The following ZNF79 variants were observed in gnomAD, a reference collection of about 807,000 sequenced individuals.
ZNF79 encodes ZNFpT7.
Under a neutral mutation model 14.9 loss-of-function variants are expected in ZNF79, and 13 were observed. That is an observed-to-expected ratio of 0.87 (90% CI 0.57 to 1.38). The LOEUF is 1.38. ZNF79 is among the 40% of genes most tolerant of loss of function. The pLI is 0.00. For synonymous variants in ZNF79, 223 were observed against 235.1 expected, an observed-to-expected ratio of 0.95 and a Z score of 0.47; for missense variants, 631 against 630.6, an observed-to-expected ratio of 1.00 and a Z score of -0.01.
At position 127,424,759 on chromosome 9, in the gene ZNF79, G is replaced by C. The variant is rs1439186481; in HGVS notation, c.-29G>C. 1 of 1,613,750 alleles carries C rather than the reference G, an allele frequency of 6.2e-7. No homozygotes were observed. The highest frequency in any genetic ancestry group is 1.7e-5 in the Admixed American group (1 of 60,000). On this transcript the variant is annotated 5_prime_UTR_variant, in exon 1 of 5. Coordinates refer to ENST00000342483, the MANE Select transcript of ZNF79 (RefSeq NM_007135.3). ...AGACCCTTACGCCCAGAGAACTGCT[G>C]GGAGGCTGTGGCGCGAGGCGGGACT...
rs546513580 is a variant in ZNF79 at position 127,439,113 on chromosome 9, A to AAAAAAAAGAAT, written c.328+3120_328+3121insTAAAAAAAGAA. On this transcript the variant is annotated intron_variant, in intron 4 of 4. Coordinates refer to ENST00000342483, the MANE Select transcript of ZNF79 (RefSeq NM_007135.3). ...GGCGACTAAGCGAGACTCTGTCACAAAAAAAAAGAAAAAGAAAGACTGTAG... is the reference window on the plus strand; with the variant it reads ...GGCGACTAAGCGAGACTCTGTCACAAAAAAAAAGAATAAAAAAAGAAAAAGAAAGACTGTAG... Among the ~76,000 whole-genome samples, 995 of 151,974 alleles carry AAAAAAAAGAAT rather than the reference A, an allele frequency of 6.5e-3. 13 individuals are homozygous for AAAAAAAAGAAT. Among genetic ancestry groups the AAAAAAAAGAAT allele is most frequent in the African/African-American group, 0.023 (952 of 41,416 alleles).
In ZNF79 at chr9:127,442,217, A is replaced by G. The variant is rs539605342; in HGVS notation, c.329-1812A>G. ...GGAGTTTAAGATCAGCCTGGCCAAC[A>G]TGGTGAAACCCTGTCTTTACCAAAA... is the stretch of plus-strand genomic sequence containing the variant. On this transcript the variant is annotated intron_variant, in intron 4 of 4. Coordinates refer to ENST00000342483, the MANE Select transcript of ZNF79 (RefSeq NM_007135.3). Among the ~76,000 whole-genome samples the G allele has an allele frequency of 3.3e-5, 5 of 151,736 alleles. No individual in the cohort carries two copies. The East Asian group carries it at 9.8e-4, about 30-fold the overall frequency.
intron 2 of ZNF79, 143 bp from the exon 3 acceptor site, chr9:127,434,947 C>G (rs932017681): frequency 2.2e-5 from 21 of 972,528 alleles, no homozygotes; most frequent in Non-Finnish European, 2.9e-5. Context: ...TGAGCCACCG[C>G]ACCTGGCCAT....
intron 4 of ZNF79, among the ~76,000 whole-genome samples, chr9:127,440,984 C>T (rs1258934845): frequency 2.0e-5 from 3 of 152,146 alleles, no homozygotes; most frequent in African/African-American, 7.2e-5. Context: ...CTGGAGCCAG[C>T]ACTCGAGAGA....
intron 4 of ZNF79, among the ~76,000 whole-genome samples, chr9:127,436,311 G>A (rs1202533215): frequency 2.0e-5 from 3 of 152,322 alleles, no homozygotes; most frequent in Non-Finnish European, 4.4e-5. Context: ...GGCCTCTAAA[G>A]AGTATCCTTC....
At chr9:127,434,319 A>G (rs528441516) in intron 2 of ZNF79, among the ~76,000 whole-genome samples, 2 of 152,068 alleles carry the variant, frequency 1.3e-5, no homozygotes, top group Non-Finnish European at 2.9e-5. Flanking sequence ...TTGTGCTCAT[A>G]CCTGGCTCTC....
At chr9:127,433,549 A>G (rs1833896665) in intron 2 of ZNF79, among the ~76,000 whole-genome samples, 1 of 152,098 alleles carries the variant, frequency 6.6e-6, no homozygotes, top group Non-Finnish European at 1.5e-5. Context: ...CCCGCCCTGT[A>G]CCTAGCAGAG....
At chr9:127,435,004 G>T in intron 2 of ZNF79, 86 bp from the exon 3 acceptor site, 1 of 1,448,058 alleles carries the variant, frequency 6.9e-7, no homozygotes, top group Non-Finnish European at 9.2e-7. Flanking sequence ...GACTTTTCCA[G>T]CTCCCCCAAA....
At position 127,444,168 on chromosome 9, in the gene ZNF79, CCT is replaced by C. The variant is rs1301912418; in HGVS notation, c.474_475del (p.Pro159AlafsTer14). On this transcript the variant is annotated frameshift_variant, in exon 5 of 5. Transcript: ENST00000342483. LOFTEE classifies it low-confidence loss of function (END_TRUNC). The part of the protein sequence containing the change: ...LEKSFNLRPV[L>X]SPQQRVPVEA... ...AGAAGAGCTTCAATCTGAGACCAGT[CCT>C]CTCTCCGCAACAGAGAGTGCCCGTG... is the stretch of plus-strand genomic sequence containing the variant. 2.5e-6 allele frequency: 4 copies of C among 1,614,000 alleles called. No homozygotes were observed. The South Asian group carries it at 4.4e-5, about 18-fold the overall frequency.
At chr9:127,424,860 A>G in intron 1 of ZNF79, 57 bp downstream of exon 1, 3 of 1,610,880 alleles carry the variant, frequency 1.9e-6, no homozygotes, top group Admixed American at 1.7e-5. Context: ...TCGTTTGCCC[A>G]CGACTGCCGC....
intron 2 of ZNF79, among the ~76,000 whole-genome samples, 199 bp from the exon 3 acceptor site, chr9:127,434,891 C>T (rs1018934855): frequency 2.0e-5 from 3 of 152,152 alleles, no homozygotes; most frequent in Non-Finnish European, 2.9e-5. Context: ...TCAAGTGATC[C>T]GCCTGCCTCA....
Position 127,444,486 on chromosome 9 carries a change from C to T in ZNF79, c.786C>T (p.Ala262=), listed in dbSNP as rs962349367. Residue 262 remains alanine (A), a synonymous_variant, in exon 5 of 5, where the codon GCC becomes GCT. Coordinates refer to ENST00000342483, the MANE Select transcript of ZNF79 (RefSeq NM_007135.3). ...GTGGAAGAGCCTTCAGCCAGAACGC[C>T]AACCTCACCAAACACCAGCGAACCC... ...SECGRAFSQN[A]NLTKHQRTHT... 8 of 1,609,860 alleles carry T rather than the reference C, an allele frequency of 5.0e-6. No homozygotes were observed. The African/African-American group carries it at 1.1e-4, about 22-fold the overall frequency.
In ZNF79 at chr9:127,444,274, C is replaced by T; in HGVS notation, c.574C>T (p.Pro192Ser). 1 of 1,614,130 alleles carries T rather than the reference C, an allele frequency of 6.2e-7. No homozygotes were observed. Among genetic ancestry groups the T allele is most frequent in the Admixed American group, 1.7e-5 (1 of 60,004 alleles). ...AATCCTGAAACCTCACAGAGCAAAA[C>T]CATATGCATGTAATGAATGTGGCAA... Reference protein sequence around the residue: ...SEILKPHRAKPYACNECGKAF... With the variant: ...SEILKPHRAKSYACNECGKAF... The change falls in exon 5 of 5, where the codon CCA becomes TCA. Residue 192 changes from proline to serine, a missense_variant. Transcript: ENST00000342483.
At position 127,424,487 on chromosome 9, in the gene ZNF79, C is replaced by G. The variant is rs767512517; in HGVS notation, c.-301C>G. ...TTGCCGGTAGATTGTTGCCAGTTGCCAGTTGCCAGTCGTTTTTCGGAAAGC... is the reference window on the plus strand; with the variant it reads ...TTGCCGGTAGATTGTTGCCAGTTGCGAGTTGCCAGTCGTTTTTCGGAAAGC... On this transcript the variant is annotated 5_prime_UTR_variant, in exon 1 of 5. Coordinates refer to ENST00000342483, the MANE Select transcript of ZNF79 (RefSeq NM_007135.3). The G allele has an allele frequency of 2.6e-6, 1 of 389,464 alleles. No individual in the cohort carries two copies. Among genetic ancestry groups the G allele is most frequent in the Non-Finnish European group, 4.8e-6 (1 of 209,628 alleles). 24.1% of individuals were successfully genotyped at this position (389,464 alleles called of 1,614,324 possible). A position where few individuals can be genotyped will look rare whatever the true frequency, so the allele number is the denominator to read the frequency against.
chr9:127,427,425 A>C (rs1478198108), intron 1 of ZNF79, among the ~76,000 whole-genome samples: 2 of 148,900 alleles, frequency 1.3e-5, no homozygotes, highest in Non-Finnish European at 3.0e-5. Flanking sequence ...CTCCGTCTCA[A>C]AAAAAAAAAA....
intron 4 of ZNF79, among the ~76,000 whole-genome samples, chr9:127,439,246 G>A (rs7869101): frequency 0.61 from 91,891 of 151,666 alleles, 28,138 homozygotes; most frequent in African/African-American, 0.63. Context: ...CTCATATCTC[G>A]GTGAATATGA....
At chr9:127,429,263 G>C (rs1015444675) in intron 2 of ZNF79, among the ~76,000 whole-genome samples, 37 of 151,906 alleles carry the variant, frequency 2.4e-4, no homozygotes, top group Non-Finnish European at 7.4e-5. Context: ...TGATCTGCCC[G>C]ACTTGGCCTC....
chr9:127,424,894 C>CT, intron 1 of ZNF79, 91 bp downstream of exon 1: 1 of 1,588,736 alleles, frequency 6.3e-7, no homozygotes, highest in South Asian at 1.1e-5. Context: ...TCAGAACTCT[C>CT]TTTATCTCTC....
intron 4 of ZNF79, among the ~76,000 whole-genome samples, chr9:127,437,513 G>A (rs561576749): frequency 2.6e-5 from 4 of 151,844 alleles, no homozygotes; most frequent in African/African-American, 4.8e-5. Context: ...TGAAAAGGTC[G>A]CTGTATTAGT....
Sources: allele counts gnomAD v4.1 joint callset (sites outside exome capture counted in the v4.1 genomes callset), GRCh38; gene constraint gnomAD v4.1.1; transcripts MANE v1.5; gene names NCBI Gene and HGNC (gene_info 2026-07-23, HGNC 2026-07-21).